MED23: variants seen among roughly 807,000 people sequenced by gnomAD.
MED23 encodes mediator of RNA polymerase II transcription subunit 23.
Under a neutral mutation model 163.9 loss-of-function variants are expected in MED23, and 105 were observed. That is an observed-to-expected ratio of 0.64 (90% CI 0.55 to 0.75). MED23 has a LOEUF of 0.75. MED23 is among the 30% of genes least tolerant of loss of function. The pLI is 0.00. For missense variants in MED23, 1,054 were observed against 1,649.0 expected (o/e 0.64, Z 6.25); for synonymous variants, 561 against 565.6 (o/e 0.99, Z 0.12).
chr6:131,622,227 T>C (rs1444797133), intron 5 of MED23, among the ~76,000 whole-genome samples: 1 of 152,208 alleles, frequency 6.6e-6, no homozygotes, highest in Non-Finnish European at 1.5e-5. Context: ...TTTTTGGCCC[T>C]CATAACATTA....
chr6:131,591,752 G>A, intron 25 of MED23: 2 of 593,154 alleles, frequency 3.4e-6, no homozygotes, highest in Non-Finnish European at 6.0e-6. Context: ...GCTCATTTAG[G>A]TACCTGATAT....
chr6:131,595,003 A>G (rs1005336607), intron 22 of MED23, among the ~76,000 whole-genome samples: 6 of 152,224 alleles, frequency 3.9e-5, no homozygotes, highest in African/African-American at 1.4e-4. Context: ...AAATGTTTTT[A>G]AAAGAACGCT....
intron 17 of MED23, among the ~76,000 whole-genome samples, chr6:131,601,239 A>G (rs1298254862): frequency 6.6e-6 from 1 of 152,230 alleles, no homozygotes; most frequent in Non-Finnish European, 1.5e-5. Context: ...GAAAACCTGT[A>G]TCTACCACGA....
In MED23 at chr6:131,603,058, G is replaced by A. The variant is rs775096931; in HGVS notation, c.1903C>T (p.Gln635Ter). The A allele has an allele frequency of 8.7e-6, 14 of 1,613,908 alleles. No homozygotes were observed. The highest frequency in any genetic ancestry group is 1.2e-5 in the Non-Finnish European group (14 of 1,179,844). Reference sequence around the variant, plus strand: ...AGATGGAGCTGGTTCTGGTTTGTTTGTGCAACTGCAGCCAAAGTATGAAGA... The same window carrying A: ...AGATGGAGCTGGTTCTGGTTTGTTTATGCAACTGCAGCCAAAGTATGAAGA... ...SHLHTLAAVA[Q>*]TNQNQLHLCV... Residue 635 changes from glutamine (Q) to a stop codon, truncating the protein, a stop_gained, in exon 16 of 29, where the codon CAA becomes TAA. Coordinates refer to ENST00000368068, the MANE Select transcript of MED23 (RefSeq NM_004830.4). LOFTEE classifies it high-confidence loss of function.
chr6:131,594,369 A>T, intron 22 of MED23, 34 bp from the exon 23 acceptor site: 1 of 1,461,866 alleles, frequency 6.8e-7, no homozygotes, highest in South Asian at 1.1e-5. Flanking sequence ...CACAATGTTT[A>T]ACTGGTTACT....
At chr6:131,591,004 T>G (rs1774579359) in intron 26 of MED23, among the ~76,000 whole-genome samples, 1 of 148,624 alleles carries the variant, frequency 6.7e-6, no homozygotes, top group Non-Finnish European at 1.5e-5. Flanking sequence ...TTTTTTCAGA[T>G]GGAGTCTCAC....
At chr6:131,610,438 A>C (rs1776198631) in intron 10 of MED23, among the ~76,000 whole-genome samples, 192 bp from the exon 11 acceptor site, 1 of 152,190 alleles carries the variant, frequency 6.6e-6, no homozygotes, top group African/African-American at 2.4e-5. Flanking sequence ...GCTTCATGAA[A>C]AAATGTTTTC....
rs748510490 is a variant in MED23 at position 131,627,981 on chromosome 6, T to C, written c.39+30A>G. ...CCCGCGTCTCCCCGTCCCCAAGCCGTAGTCCTGGATGGCCGGCAGCTGCAC... is the reference window on the plus strand; with the variant it reads ...CCCGCGTCTCCCCGTCCCCAAGCCGCAGTCCTGGATGGCCGGCAGCTGCAC... On this transcript the variant is annotated intron_variant, in intron 1 of 28. Coordinates refer to ENST00000368068, the MANE Select transcript of MED23 (RefSeq NM_004830.4). 3.7e-6 allele frequency: 6 copies of C among 1,613,814 alleles called. No individual in the cohort carries two copies. In the Admixed American group the frequency reaches 1.0e-4, roughly 27 times the overall value.
chr6:131,612,406 T>C (rs949524824), intron 10 of MED23, among the ~76,000 whole-genome samples: 7 of 152,058 alleles, frequency 4.6e-5, no homozygotes, highest in Admixed American at 2.0e-4. Flanking sequence ...CTCTACTACA[T>C]AGCAGATGGT....
intron 27 of MED23, among the ~76,000 whole-genome samples, chr6:131,589,804 A>C (rs1774457859): frequency 6.6e-6 from 1 of 152,200 alleles, no homozygotes; most frequent in Non-Finnish European, 1.5e-5. Context: ...TGCCCCTGAC[A>C]AGGCTTAAAT....
intron 22 of MED23, among the ~76,000 whole-genome samples, chr6:131,594,662 T>C (rs1009123349): frequency 3.9e-5 from 6 of 152,088 alleles, no homozygotes; most frequent in Admixed American, 1.3e-4. Flanking sequence ...TAGCGAAAGA[T>C]GAAAAACAGC....
rs1391944734 is a variant in MED23, at chr6:131,625,629, A to G, written c.160-640T>C. On this transcript the variant is annotated intron_variant, in intron 3 of 28. Transcript: ENST00000368068. ...GCACATATAACAATGATTTGGAAAT[A>G]CCTATTTTCTTCCTGGTCTCTCCAT... 2.0e-5 allele frequency among the ~76,000 whole-genome samples: 3 copies of G among 152,316 alleles called. No homozygotes were observed. In the East Asian group the frequency reaches 5.8e-4, roughly 29 times the overall value.
chr6:131,623,477 A>G lies in MED23; in HGVS notation c.285-15T>C. 6.2e-7 allele frequency: 1 copy of G among 1,603,990 alleles called. No homozygotes were observed. Among genetic ancestry groups the G allele is most frequent in the Non-Finnish European group, 8.5e-7 (1 of 1,170,798 alleles). On this transcript the variant is annotated splice_polypyrimidine_tract_variant and intron_variant, in intron 4 of 28. Transcript: ENST00000368068. ...CACAAACCAGCCTATAAAAAAAGAA[A>G]TAGCCATTCCAGTTACAAGACAGAA...
intron 23 of MED23, 95 bp from the exon 24 acceptor site, chr6:131,593,266 G>A: frequency 2.8e-6 from 4 of 1,444,634 alleles, no homozygotes; most frequent in East Asian, 2.3e-5. Context: ...TCTACGCTTA[G>A]AGAGATTAAG....
chr6:131,624,961 A>G lies in MED23; in HGVS notation c.188T>C (p.Ile63Thr). 6.2e-7 allele frequency: 1 copy of G among 1,613,614 alleles called. No homozygotes were observed. The highest frequency in any genetic ancestry group is 8.5e-7 in the Non-Finnish European group (1 of 1,179,816). Residue 63 changes from isoleucine (I) to threonine (T), a missense_variant, in exon 4 of 29, where the codon ATT (isoleucine) becomes ACT (threonine). By Grantham distance (89) the Ile-to-Thr change is moderately conservative. This residue lies in a region of MED23 where 227 missense variants were observed against 235.5 expected (regional missense o/e 0.96). Transcript: ENST00000368068. ...ATGCTGACCATGAATAAACTTAACA[A>G]TCCACTGGATACACTGTTCATGAGA... Reference protein sequence around the residue: ...QESHEQCIQWIVKFIHGQHSP... With the variant: ...QESHEQCIQWTVKFIHGQHSP...
At position 131,624,876 on chromosome 6, in the gene MED23, G is replaced by A. The variant is rs781749255; in HGVS notation, c.273C>T (p.Leu91=). 2.5e-6 allele frequency: 4 copies of A among 1,613,746 alleles called. No homozygotes were observed. In the Admixed American group the frequency reaches 5.0e-5, roughly 20 times the overall value. Residue 91 remains leucine (L), a synonymous_variant, in exon 4 of 29, where the codon CTC becomes CTT. Coordinates refer to ENST00000368068, the MANE Select transcript of MED23 (RefSeq NM_004830.4). ...DCLAMAVETG[L]LPPRLVCESL... ...CCCATTAAACGTACCTGGGTGGAAG[G>A]AGACCAGTCTCAACTGCCATTGCTA...
chr6:131,595,437 A>G (rs994716276), intron 22 of MED23, among the ~76,000 whole-genome samples: 47 of 152,216 alleles, frequency 3.1e-4, no homozygotes, highest in African/African-American at 1.1e-3. Context: ...ATCATACTCA[A>G]TAACTTCCAG....
chr6:131,624,934 C>T lies in MED23; in HGVS notation c.215G>A (p.Ser72Asn). 1 of 1,613,738 alleles carries T rather than the reference C, an allele frequency of 6.2e-7. No individual in the cohort carries two copies. Among genetic ancestry groups the T allele is most frequent in the South Asian group, 1.1e-5 (1 of 91,078 alleles). Reference protein sequence around the residue: ...WIVKFIHGQHSPKRISFLYDC... With the variant: ...WIVKFIHGQHNPKRISFLYDC... The stretch of plus-strand genomic sequence containing the variant: ...ATAAAGAAAAGAAATTCTTTTAGGA[C>T]TATGCTGACCATGAATAAACTTAAC... The change falls in exon 4 of 29, where the codon AGT becomes AAT. Residue 72 changes from serine (S) to asparagine (N), a missense_variant. Physicochemically the swap from Ser to Asn is conservative, Grantham distance 46 (BLOSUM62 1). Around this residue, in one of 11 missense-constraint regions of MED23, gnomAD observed 227 missense variants for 235.5 expected, o/e 0.96. Coordinates refer to ENST00000368068, the MANE Select transcript of MED23 (RefSeq NM_004830.4).
chr6:131,603,268 G>A lies in MED23; in HGVS notation c.1757-64C>T, dbSNP rs569864524. ...GGCTATGCATGAAAAGATATTTGAA[G>A]AAAGTCACATTGAGTAAAATATAAA... is the stretch of plus-strand genomic sequence containing the variant. On this transcript the variant is annotated intron_variant, in intron 15 of 28. Coordinates refer to ENST00000368068, the MANE Select transcript of MED23 (RefSeq NM_004830.4). 2.7e-5 allele frequency: 40 copies of A among 1,487,668 alleles called. No individual in the cohort carries two copies. In the South Asian group the frequency reaches 3.9e-4, roughly 14 times the overall value. 92.2% of individuals were successfully genotyped at this position (1,487,668 alleles called of 1,614,324 possible).
Sources: gnomAD v4.1 joint callset for allele counts (sites outside exome capture counted in the v4.1 genomes callset) on GRCh38, gnomAD v4.1.1 for gene constraint, gnomAD v4.1.1 regional missense constraint, MANE v1.5 for transcripts, NCBI Gene and HGNC (gene_info 2026-07-23, HGNC 2026-07-21) for gene names.